Variants in CCDC6 observed in about 807,000 individuals in gnomAD.
CCDC6 encodes the protein coiled-coil domain containing 6, also known as coiled-coil domain-containing protein 6.
Under a neutral mutation model 56.6 loss-of-function variants are expected in CCDC6, and 20 were observed. That is an observed-to-expected ratio of 0.35 (90% CI 0.25 to 0.51). CCDC6 has a LOEUF of 0.51. CCDC6 is among the 20% of genes least tolerant of loss of function. The pLI is 0.95. For missense variants in CCDC6, 367 were observed against 601.1 expected (o/e 0.61, Z 4.07); for synonymous variants, 241 against 234.4 (o/e 1.03, Z -0.26).
At chr10:59,845,346 GTTTTTTTT>G (rs151236986) in intron 2 of CCDC6, among the ~76,000 whole-genome samples, 1 of 96,960 alleles carries the variant, frequency 1.0e-5, no homozygotes, top group Non-Finnish European at 1.9e-5. Context: ...GCCCCTATGG[GTTTTTTTT>G]TTTTTTTTTT....
At chr10:59,862,502 T>A (rs1203315394) in intron 1 of CCDC6, among the ~76,000 whole-genome samples, 1 of 49,096 alleles carries the variant, frequency 2.0e-5, no homozygotes, top group African/African-American at 1.2e-4. Flanking sequence ...AAAAAAAAAG[T>A]ATATATATAT....
intron 5 of CCDC6, among the ~76,000 whole-genome samples, chr10:59,809,652 A>G (rs7895724): frequency 0.16 from 24,881 of 152,122 alleles, 2,612 homozygotes; most frequent in African/African-American, 0.29. Flanking sequence ...GCCACAGCTT[A>G]TATTTCCCCA....
rs138722963 is a variant in CCDC6 at position 59,890,095 on chromosome 10, C to T, written c.303+16027G>A. Reference sequence around the variant, plus strand: ...ACACTTCTCTCAGGAAGCTGAGGCTCGTCAAGAAAGACATGACTGATGTCT... The same window carrying T: ...ACACTTCTCTCAGGAAGCTGAGGCTTGTCAAGAAAGACATGACTGATGTCT... On this transcript the variant is annotated intron_variant, in intron 1 of 8. Transcript: ENST00000263102. 3.3e-5 allele frequency among the ~76,000 whole-genome samples: 5 copies of T among 152,286 alleles called. No individual in the cohort carries two copies. The East Asian group carries it at 7.7e-4, about 24-fold the overall frequency.
intron 1 of CCDC6, among the ~76,000 whole-genome samples, chr10:59,855,459 C>G (rs796743196): frequency 8.2e-4 from 125 of 152,070 alleles, no homozygotes; most frequent in African/African-American, 2.8e-3. Flanking sequence ...CCCAGCTACT[C>G]GGGAGGCTGA....
Position 59,791,546 on chromosome 10 carries a change from A to G in CCDC6, c.*1371T>C, listed in dbSNP as rs1408029276. On this transcript the variant is annotated 3_prime_UTR_variant, in exon 9 of 9. Transcript: ENST00000263102. ...GACTCTTAAAAATTACTGATAAATT[A>G]CTTTTCAGTTCTCTGATTATATCCA... 2 of 195,726 alleles carry G rather than the reference A, an allele frequency of 1.0e-5. No individual in the cohort carries two copies. The highest frequency in any genetic ancestry group is 2.1e-5 in the Non-Finnish European group (2 of 93,964). 12.1% of individuals were successfully genotyped at this position (195,726 alleles called of 1,614,324 possible).
chr10:59,873,821 T>TA (rs934127097), intron 1 of CCDC6, among the ~76,000 whole-genome samples: 46 of 151,286 alleles, frequency 3.0e-4, no homozygotes, highest in African/African-American at 9.4e-4. Flanking sequence ...TGCTAATTTT[T>TA]AAAAAAAAAG....
intron 5 of CCDC6, among the ~76,000 whole-genome samples, 163 bp from the exon 6 acceptor site, chr10:59,807,241 T>G (rs558663489): frequency 6.6e-6 from 1 of 152,282 alleles, no homozygotes; most frequent in Non-Finnish European, 1.5e-5. Flanking sequence ...TCCTGGCACT[T>G]GGGGAGGCTG....
At chr10:59,809,564 C>T (rs537192133) in intron 5 of CCDC6, among the ~76,000 whole-genome samples, 2 of 152,140 alleles carry the variant, frequency 1.3e-5, no homozygotes, top group Non-Finnish European at 2.9e-5. Flanking sequence ...CCTGCTGGCA[C>T]ACAGCCTCAC....
intron 1 of CCDC6, among the ~76,000 whole-genome samples, chr10:59,875,317 A>G (rs144751210): frequency 2.0e-5 from 3 of 152,328 alleles, no homozygotes; most frequent in African/African-American, 7.2e-5. Flanking sequence ...TCACTAAAAT[A>G]TATTTAAAGT....
chr10:59,863,654 C>T (rs1043542699), intron 1 of CCDC6, among the ~76,000 whole-genome samples: 9 of 152,096 alleles, frequency 5.9e-5, no homozygotes, highest in African/African-American at 1.2e-4. Flanking sequence ...ACATTTTACA[C>T]GTGTAAATTT....
chr10:59,832,219 T>C (rs2070840845), intron 3 of CCDC6, among the ~76,000 whole-genome samples: 1 of 152,258 alleles, frequency 6.6e-6, no homozygotes, highest in East Asian at 1.9e-4. Flanking sequence ...GAAACTATCC[T>C]GTGGTCAAAA....
chr10:59,882,092 CCGGGGGGAGAAGGAAAGGAAAGCCGGG>C (rs2071343754), intron 1 of CCDC6, among the ~76,000 whole-genome samples: 3 of 95,610 alleles, frequency 3.1e-5, no homozygotes, highest in Non-Finnish European at 4.4e-5. Context: ...GAAAGGAAAG[CCGGGGGGAGAAGGAAAGGAAAGCCGGG>C]GGGAGAAGGA....
chr10:59,820,120 A>G (rs1399692562), intron 3 of CCDC6, among the ~76,000 whole-genome samples: 1 of 152,236 alleles, frequency 6.6e-6, no homozygotes, highest in Non-Finnish European at 1.5e-5. Context: ...TCTTCTCAGT[A>G]GACAGATCCT....
At chr10:59,823,677 A>G (rs1336308520) in intron 3 of CCDC6, among the ~76,000 whole-genome samples, 2 of 152,196 alleles carry the variant, frequency 1.3e-5, no homozygotes, top group African/African-American at 4.8e-5. Flanking sequence ...TCTTTATCCA[A>G]AATGGAAGTT....
chr10:59,898,058 A>C (rs2071477264), intron 1 of CCDC6, among the ~76,000 whole-genome samples: 1 of 152,208 alleles, frequency 6.6e-6, no homozygotes, highest in Admixed American at 6.5e-5. Context: ...AAAAAACTAG[A>C]ATTCAAAATT....
At chr10:59,862,511 A>ATATATATATG in intron 1 of CCDC6, among the ~76,000 whole-genome samples, 1 of 75,124 alleles carries the variant, frequency 1.3e-5, no homozygotes, top group Admixed American at 1.2e-4. Flanking sequence ...GTATATATAT[A>ATATATATATG]TATATACACA....
intron 2 of CCDC6, among the ~76,000 whole-genome samples, chr10:59,851,131 G>GAAAAAAAAAAAAAAAAAAAAAA (rs372606692): frequency 2.1e-5 from 1 of 46,724 alleles, no homozygotes; most frequent in South Asian, 1.1e-3. Context: ...CATGTAAATT[G>GAAAAAAAAAAAAAAAAAAAAAA]AAAAAAAAAA....
At position 59,789,086 on chromosome 10, in the gene CCDC6, A is replaced by G. The variant is rs1354930705; in HGVS notation, c.*3831T>C. The G allele has an allele frequency of 1.3e-5, 1 of 75,868 alleles. No homozygotes were observed. Among genetic ancestry groups the G allele is most frequent in the Non-Finnish European group, 2.1e-5 (1 of 46,752 alleles). The allele number at this position is 75,868 out of a possible 1,614,324, so 4.7% of individuals were successfully genotyped here. Reference sequence around the variant, plus strand: ...GCTAAGTTCCAAATCAAGTCCAAAGAAGGCTCAGGGGTCAACCTGACCAGA... The same window carrying G: ...GCTAAGTTCCAAATCAAGTCCAAAGGAGGCTCAGGGGTCAACCTGACCAGA... On this transcript the variant is annotated 3_prime_UTR_variant, in exon 9 of 9. Coordinates refer to ENST00000263102, the MANE Select transcript of CCDC6 (RefSeq NM_005436.5).
intron 1 of CCDC6, among the ~76,000 whole-genome samples, chr10:59,890,809 G>A (rs2071416666): frequency 6.6e-6 from 1 of 151,840 alleles, no homozygotes; most frequent in African/African-American, 2.4e-5. Flanking sequence ...GTATACATGT[G>A]CCATGTTGGT....
Sources: allele counts gnomAD v4.1 joint callset (sites outside exome capture counted in the v4.1 genomes callset), GRCh38; gene constraint gnomAD v4.1.1; transcripts MANE v1.5; gene names NCBI Gene and HGNC (gene_info 2026-07-23, HGNC 2026-07-21).